COL6A5: variants seen among roughly 807,000 people sequenced by gnomAD.
COL6A5 encodes collagen alpha-5(VI) chain.
COL6A5 carries 48 observed loss-of-function variants against 65.6 expected under a neutral mutation model. The observed-to-expected ratio is 0.73, with a 90% CI of 0.58 to 0.93. The LOEUF is 0.93. Among genes scored for constraint, COL6A5 ranks in the 40% least tolerant of loss-of-function variants. The pLI is 0.00. For synonymous variants in COL6A5, 291 were observed against 322.8 expected (o/e 0.90, Z 1.05); for missense variants, 914 against 928.3 (o/e 0.98, Z 0.20).
Position 130,367,508 on chromosome 3 carries a change from G to A in COL6A5, c.-28-6103G>A, listed in dbSNP as rs75688160. Among the ~76,000 whole-genome samples the A allele has an allele frequency of 4.0e-3, 609 of 152,212 alleles. 2 individuals carry two copies. The highest frequency in any genetic ancestry group is 0.013 in the African/African-American group (544 of 41,522). On this transcript the variant is annotated intron_variant and NMD_transcript_variant, in intron 1 of 41. Transcript: ENST00000312481. The stretch of plus-strand genomic sequence containing the variant: ...ACTCACTCTGCCAAGCACTGGAGAC[G>A]TAAAGATGTATCAAACATACTTGGT...
At chr3:130,379,770 G>A (rs1935926526) in exon 4 of COL6A5, 1 of 1,551,400 alleles carries the variant, frequency 6.4e-7, no homozygotes, top group South Asian at 1.2e-5. Context: ...GAGTGCCTCA[G>A]ATTGCAGTTC....
exon 17 of COL6A5, chr3:130,406,311 C>G: frequency 6.5e-7 from 1 of 1,548,908 alleles, no homozygotes; most frequent in Non-Finnish European, 8.7e-7. Context: ...AAAGGTGATC[C>G]AGGATCTCAG....
At chr3:130,445,683 A>G (rs1161708241) in intron 4 of COL6A5, among the ~76,000 whole-genome samples, 1 of 152,088 alleles carries the variant, frequency 6.6e-6, no homozygotes, top group Non-Finnish European at 1.5e-5. Context: ...GGGGGGGATA[A>G]TGCCTTTATC....
chr3:130,428,559 A>C (rs1017808329), upstream of COL6A5, among the ~76,000 whole-genome samples: 3 of 152,246 alleles, frequency 2.0e-5, no homozygotes, highest in Non-Finnish European at 4.4e-5. Flanking sequence ...AAAGAGTTTA[A>C]GTAATTTCCC....
At chr3:130,437,088 A>G (rs1004466520) in intron 1 of COL6A5, among the ~76,000 whole-genome samples, 8 of 152,046 alleles carry the variant, frequency 5.3e-5, no homozygotes, top group Non-Finnish European at 1.2e-4. Context: ...TAAAAATCCC[A>G]TTCTTCTACT....
upstream of COL6A5, chr3:130,429,620 C>A: frequency 6.5e-7 from 1 of 1,526,984 alleles, no homozygotes; most frequent in South Asian, 1.2e-5. Context: ...CTGCTGAGAT[C>A]ATTACTGCTG....
intron 1 of COL6A5, among the ~76,000 whole-genome samples, chr3:130,367,956 T>C (rs1377090972): frequency 6.6e-6 from 1 of 152,230 alleles, no homozygotes; most frequent in Non-Finnish European, 1.5e-5. Flanking sequence ...AATGAAGTTT[T>C]TTCTAGCCAG....
At chr3:130,429,560 C>T (rs1325113805), upstream of COL6A5, 3 of 1,546,378 alleles carry the variant, frequency 1.9e-6, no homozygotes, top group African/African-American at 4.1e-5. Flanking sequence ...TTTTCCCTCT[C>T]TCCTTTTCAC....
At chr3:130,432,336 T>C (rs1375984638) in intron 1 of COL6A5, among the ~76,000 whole-genome samples, 1 of 152,050 alleles carries the variant, frequency 6.6e-6, no homozygotes, top group Non-Finnish European at 1.5e-5. Flanking sequence ...GGGCGAATCA[T>C]GAGGTCAGGA....
intron 20 of COL6A5, among the ~76,000 whole-genome samples, chr3:130,411,166 G>A (rs994143847): frequency 6.6e-6 from 1 of 152,146 alleles, no homozygotes; most frequent in Admixed American, 6.5e-5. Flanking sequence ...AGCAAAAAAT[G>A]GGGATATTGG....
chr3:130,362,252 T>TTCTCTCTTTCTCTCTC (rs1553744416), intron 1 of COL6A5, among the ~76,000 whole-genome samples: 1 of 114,364 alleles, frequency 8.7e-6, no homozygotes, highest in African/African-American at 3.5e-5. Context: ...TAAGGTTTCT[T>TTCTCTCTTTCTCTCTC]TCTCTCTCTC....
At chr3:130,346,003 T>C (rs1311595706) in intron 1 of COL6A5, 22 bp downstream of exon 1, 2 of 398,588 alleles carry the variant, frequency 5.0e-6, no homozygotes, top group African/African-American at 2.1e-5. Flanking sequence ...GTGCGGGGAC[T>C]TGGGGCCTGA....
At position 130,395,693 on chromosome 3, in the gene COL6A5, G is replaced by A. The variant is rs767658363; in HGVS notation, c.3568+228G>A. Among the ~76,000 whole-genome samples, 3 of 152,168 alleles carry A rather than the reference G, an allele frequency of 2.0e-5. No individual in the cohort carries two copies. The East Asian group carries it at 5.8e-4, about 29-fold the overall frequency. The stretch of plus-strand genomic sequence containing the variant: ...GTGCAGAGGCTAGAGGGGACCCCTG[G>A]GCTGTGTCCTCTGGTCAGCCCTGTT... On this transcript the variant is annotated intron_variant and NMD_transcript_variant, in intron 8 of 41. Transcript: ENST00000312481.
At chr3:130,463,974 TGA>T (rs982980957) in intron 5 of COL6A5, among the ~76,000 whole-genome samples, 53 of 152,186 alleles carry the variant, frequency 3.5e-4, no homozygotes, top group African/African-American at 1.2e-3. Context: ...AAAATAGTTC[TGA>T]GGGGTATTTT....
intron 4 of COL6A5, among the ~76,000 whole-genome samples, chr3:130,447,175 G>GA (rs1356789859): frequency 6.6e-6 from 1 of 152,138 alleles, no homozygotes; most frequent in African/African-American, 2.4e-5. Flanking sequence ...TGCAAAGCAA[G>GA]AATACAGATG....
intron 1 of COL6A5, among the ~76,000 whole-genome samples, chr3:130,361,684 A>C (rs1160078350): frequency 1.3e-5 from 2 of 152,058 alleles, no homozygotes; most frequent in African/African-American, 4.8e-5. Flanking sequence ...ATTTTGCATT[A>C]ATCCCTGTCA....
At chr3:130,358,097 G>A (rs1026601150) in intron 1 of COL6A5, among the ~76,000 whole-genome samples, 9 of 152,108 alleles carry the variant, frequency 5.9e-5, no homozygotes, top group African/African-American at 2.2e-4. Flanking sequence ...GCTGAGGCAG[G>A]AGAATGGCGT....
chr3:130,410,511 C>A, exon 20 of COL6A5: 2 of 1,550,544 alleles, frequency 1.3e-6, no homozygotes, highest in Non-Finnish European at 1.7e-6. Flanking sequence ...AGTCCTAGTT[C>A]CAGAGGCAGC....
intron 1 of COL6A5, among the ~76,000 whole-genome samples, chr3:130,363,645 T>C (rs994314835): frequency 6.6e-6 from 1 of 152,236 alleles, no homozygotes; most frequent in Non-Finnish European, 1.5e-5. Flanking sequence ...ATGGTTTCCA[T>C]TCCCCTCACC....
Sources: allele counts gnomAD v4.1 joint callset (sites outside exome capture counted in the v4.1 genomes callset), GRCh38; gene constraint gnomAD v4.1.1; transcripts MANE v1.5; gene names NCBI Gene and HGNC (gene_info 2026-07-23, HGNC 2026-07-21).